Variants in PAPPA observed in about 807,000 individuals in gnomAD.
The protein encoded by PAPPA is pappalysin 1.
In PAPPA, 60 loss-of-function variants were observed where a neutral mutation model predicts 164.0. The observed-to-expected ratio is 0.37, with a 90% CI of 0.30 to 0.45. The LOEUF (loss-of-function observed/expected upper bound fraction) is 0.45. Ranked by LOEUF, PAPPA falls within the 20% of genes least tolerant of loss-of-function variation. PAPPA has a pLI of 1.00. For missense variants in PAPPA, 1,782 were observed against 2,087.3 expected (o/e 0.85, Z 2.85); for synonymous variants, 875 against 814.1 (o/e 1.07, Z -1.27).
At chr9:116,181,971 A>G (rs1434137735) in intron 1 of PAPPA, among the ~76,000 whole-genome samples, 1 of 152,244 alleles carries the variant, frequency 6.6e-6, no homozygotes, top group African/African-American at 2.4e-5. Context: ...TGCAGAACTT[A>G]CAGAAGTATT....
At chr9:116,224,857 G>A (rs1844485744) in intron 5 of PAPPA, among the ~76,000 whole-genome samples, 2 of 152,200 alleles carry the variant, frequency 1.3e-5, no homozygotes, top group Non-Finnish European at 1.5e-5. Flanking sequence ...TCCCAGCTTT[G>A]GTATCCTGCA....
chr9:116,363,265 C>T (rs1846453779), intron 18 of PAPPA, among the ~76,000 whole-genome samples: 1 of 152,148 alleles, frequency 6.6e-6, no homozygotes, highest in Non-Finnish European at 1.5e-5. Flanking sequence ...TCACAATAAC[C>T]TTTAACAGAT....
intron 9 of PAPPA, among the ~76,000 whole-genome samples, chr9:116,301,015 C>T (rs1364630957): frequency 6.6e-6 from 1 of 151,928 alleles, no homozygotes; most frequent in Non-Finnish European, 1.5e-5. Context: ...TAAGTGAAGC[C>T]AGTTGTGCAA....
chr9:116,396,412 G>T, intron 21 of PAPPA, 97 bp from the exon 22 acceptor site: 1 of 744,278 alleles, frequency 1.3e-6, no homozygotes, highest in South Asian at 1.4e-5. Flanking sequence ...TGAACCTTCT[G>T]CTCCTCAAAT....
intron 6 of PAPPA, among the ~76,000 whole-genome samples, chr9:116,231,786 A>G (rs1171339132): frequency 3.5e-3 from 4 of 1,144 alleles, no homozygotes; most frequent in South Asian, 0.036. Flanking sequence ...TTTGAGATGG[A>G]GTTTCACTAT....
chr9:116,234,716 C>T (rs1448313796), intron 6 of PAPPA, among the ~76,000 whole-genome samples: 2 of 152,116 alleles, frequency 1.3e-5, no homozygotes, highest in Non-Finnish European at 2.9e-5. Context: ...TGAACCTGAT[C>T]GATTCACTCT....
At position 116,397,645 on chromosome 9, in the gene PAPPA, A is replaced by C. The variant is rs1846983088; in HGVS notation, c.*1029A>C. The C allele has an allele frequency of 6.6e-6, 1 of 152,628 alleles. No homozygotes were observed. The highest frequency in any genetic ancestry group is 2.4e-5 in the African/African-American group (1 of 41,468). 9.5% of individuals were successfully genotyped at this position (152,628 alleles called of 1,614,324 possible). A position where few individuals can be genotyped will look rare whatever the true frequency, so the allele number is the denominator to read the frequency against. On this transcript the variant is annotated 3_prime_UTR_variant, in exon 22 of 22. Transcript: ENST00000328252. ...CATGGTGAGAAGTTAAGTTTCCTGT[A>C]AGTGGGCCTCTCACCCTGGAAAGGA...
At chr9:116,312,680 C>T (rs1295564438) in intron 10 of PAPPA, among the ~76,000 whole-genome samples, 2 of 152,188 alleles carry the variant, frequency 1.3e-5, no homozygotes, top group African/African-American at 4.8e-5. Context: ...CTCGTCTCTA[C>T]TCTCTATTCC....
chr9:116,283,676 C>T (rs908122656), intron 9 of PAPPA, among the ~76,000 whole-genome samples: 1 of 152,160 alleles, frequency 6.6e-6, no homozygotes, highest in African/African-American at 2.4e-5. Context: ...CCAAATTATC[C>T]GTAAGTTTAA....
intron 10 of PAPPA, among the ~76,000 whole-genome samples, chr9:116,330,287 A>C (rs1042847263): frequency 1.3e-5 from 2 of 152,014 alleles, no homozygotes; most frequent in Admixed American, 1.3e-4. Flanking sequence ...AGCTGTTCCT[A>C]TCCTCTTTCC....
intron 1 of PAPPA, among the ~76,000 whole-genome samples, chr9:116,164,047 G>C (rs1244503228): frequency 6.6e-6 from 1 of 152,134 alleles, no homozygotes; most frequent in Admixed American, 6.5e-5. Flanking sequence ...GTGAATGCTA[G>C]CATGTTCATA....
chr9:116,318,853 A>T (rs945940712), intron 10 of PAPPA, among the ~76,000 whole-genome samples: 1 of 152,084 alleles, frequency 6.6e-6, no homozygotes, highest in Non-Finnish European at 1.5e-5. Flanking sequence ...TTCCCATCCA[A>T]GGGCCTCCTA....
At chr9:116,190,618 G>GA (rs1322181897) in intron 2 of PAPPA, among the ~76,000 whole-genome samples, 2 of 152,128 alleles carry the variant, frequency 1.3e-5, no homozygotes, top group East Asian at 1.9e-4. Flanking sequence ...AAGTTTTGGG[G>GA]AAAAAAACTG....
intron 10 of PAPPA, among the ~76,000 whole-genome samples, chr9:116,329,034 A>T (rs965166301): frequency 6.6e-6 from 1 of 152,222 alleles, no homozygotes. Flanking sequence ...TTAGTGTCTC[A>T]TTATTATAAA....
At position 116,265,957 on chromosome 9, in the gene PAPPA, G is replaced by C; in HGVS notation, c.2833G>C (p.Gly945Arg). The part of the protein sequence containing the change: ...SPAVTYIHGS[G>R]YCGDGIIQKD... Reference sequence around the variant, plus strand: ...TGCTGTCACATACATCCATGGAAGTGGGTACTGTGGCGATGGCATTATACA... The same window carrying C: ...TGCTGTCACATACATCCATGGAAGTCGGTACTGTGGCGATGGCATTATACA... Residue 945 changes from glycine to arginine, a missense_variant, in exon 8 of 22, where the codon GGG (glycine) becomes CGG (arginine). Around this residue, in one of 2 missense-constraint regions of PAPPA, gnomAD observed 1,324 missense variants for 1,656.9 expected, o/e 0.80. Transcript: ENST00000328252. 6.2e-7 allele frequency: 1 copy of C among 1,611,666 alleles called. No individual in the cohort carries two copies. The highest frequency in any genetic ancestry group is 8.5e-7 in the Non-Finnish European group (1 of 1,178,190).
At chr9:116,329,166 A>G (rs1463620275) in intron 10 of PAPPA, among the ~76,000 whole-genome samples, 1 of 152,194 alleles carries the variant, frequency 6.6e-6, no homozygotes, top group Non-Finnish European at 1.5e-5. Flanking sequence ...GATGGAATAT[A>G]GCATAGAATA....
chr9:116,178,888 C>A (rs904966969), intron 1 of PAPPA, among the ~76,000 whole-genome samples: 1 of 152,154 alleles, frequency 6.6e-6, no homozygotes, highest in Non-Finnish European at 1.5e-5. Flanking sequence ...TACGTCCATG[C>A]AGACTGCTTA....
At chr9:116,381,661 T>TA (rs1379950770) in intron 20 of PAPPA, among the ~76,000 whole-genome samples, 1 of 152,118 alleles carries the variant, frequency 6.6e-6, no homozygotes, top group Non-Finnish European at 1.5e-5. Context: ...AGAGATGAAG[T>TA]AAAAAACCAT....
chr9:116,389,568 C>T (rs1846863075), intron 21 of PAPPA, among the ~76,000 whole-genome samples: 1 of 152,098 alleles, frequency 6.6e-6, no homozygotes, highest in African/African-American at 2.4e-5. Context: ...TTCTTATTCA[C>T]CTCTGGCATT....
Sources: allele counts gnomAD v4.1 joint callset (sites outside exome capture counted in the v4.1 genomes callset), GRCh38; gene constraint gnomAD v4.1.1; regional missense constraint gnomAD v4.1.1; transcripts MANE v1.5; gene names NCBI Gene and HGNC (gene_info 2026-07-23, HGNC 2026-07-21).